Variants in KCNQ3 observed in about 807,000 individuals in gnomAD.
KCNQ3 encodes the protein potassium voltage-gated channel subfamily Q member 3.
A neutral mutation model predicts 92.5 loss-of-function variants in KCNQ3; 30 were observed. That is an observed-to-expected ratio of 0.32 (90% CI 0.24 to 0.44). The LOEUF is 0.44. KCNQ3 is among the 20% of genes least tolerant of loss of function. The probability of loss-of-function intolerance (pLI) is 1.00; values close to 1 mark genes in which losing one functional copy is unlikely to be tolerated. For synonymous variants in KCNQ3, 450 were observed against 468.8 expected (o/e 0.96, Z 0.52); for missense variants, 913 against 1,140.3 (o/e 0.80, Z 2.87).
intron 1 of KCNQ3, among the ~76,000 whole-genome samples, chr8:132,264,070 G>T (rs1043106430): frequency 6.6e-6 from 1 of 152,174 alleles, no homozygotes; most frequent in Non-Finnish European, 1.5e-5. Flanking sequence ...TGGACACTGA[G>T]GTACAGTCCA....
chr8:132,154,539 A>AGAT (rs749812597), intron 9 of KCNQ3, among the ~76,000 whole-genome samples: 2 of 152,128 alleles, frequency 1.3e-5, no homozygotes, highest in Non-Finnish European at 2.9e-5. Flanking sequence ...AATGGCAGTT[A>AGAT]GATGTACTTC....
rs530007258 is a variant in KCNQ3, at chr8:132,125,692, G to A, written c.*3570C>T. ...AACTACAGTGTCTAGGAAGTACCTT[G>A]CACAAAATAGACACAGGATGCATAA... On this transcript the variant is annotated 3_prime_UTR_variant, in exon 15 of 15. Coordinates refer to ENST00000388996, the MANE Select transcript of KCNQ3 (RefSeq NM_004519.4). 1 of 152,284 alleles carries A rather than the reference G, an allele frequency of 6.6e-6. No individual in the cohort carries two copies. Among genetic ancestry groups the A allele is most frequent in the East Asian group, 1.9e-4 (1 of 5,186 alleles). 9.4% of individuals were successfully genotyped at this position (152,284 alleles called of 1,614,324 possible).
chr8:132,130,085 T>G (rs560955213), intron 14 of KCNQ3, 89 bp from the exon 15 acceptor site: 7 of 625,744 alleles, frequency 1.1e-5, no homozygotes, highest in Non-Finnish European at 1.3e-5. Context: ...TTTTTTTTTG[T>G]TTTTTTTTTT....
intron 9 of KCNQ3, among the ~76,000 whole-genome samples, chr8:132,160,470 G>A (rs1825951421): frequency 6.6e-6 from 1 of 152,152 alleles, no homozygotes; most frequent in African/African-American, 2.4e-5. Context: ...TACATGTGGG[G>A]TACATCTTAC....
chr8:132,196,885 C>T (rs1449078423), intron 1 of KCNQ3, among the ~76,000 whole-genome samples: 1 of 152,130 alleles, frequency 6.6e-6, no homozygotes, highest in African/African-American at 2.4e-5. Context: ...AAAATAGCTC[C>T]TAATTCAGGG....
intron 1 of KCNQ3, among the ~76,000 whole-genome samples, chr8:132,332,316 T>C (rs954745037): frequency 6.6e-6 from 1 of 152,076 alleles, no homozygotes; most frequent in African/African-American, 2.4e-5. Flanking sequence ...GAGAAACACA[T>C]AAGAGACTTT....
At chr8:132,374,776 T>C (rs1446110660) in intron 1 of KCNQ3, among the ~76,000 whole-genome samples, 1 of 152,016 alleles carries the variant, frequency 6.6e-6, no homozygotes, top group Non-Finnish European at 1.5e-5. Flanking sequence ...GAAAACGTGG[T>C]ATCTGGTTTT....
chr8:132,358,479 T>C (rs142731815), intron 1 of KCNQ3, among the ~76,000 whole-genome samples: 3 of 152,182 alleles, frequency 2.0e-5, no homozygotes, highest in Non-Finnish European at 2.9e-5. Context: ...CATTGGGTAA[T>C]GTTAGCTGAG....
At chr8:132,296,750 T>C (rs1166993989) in intron 1 of KCNQ3, among the ~76,000 whole-genome samples, 1 of 152,178 alleles carries the variant, frequency 6.6e-6, no homozygotes, top group Admixed American at 6.5e-5. Context: ...TAGTATTCCA[T>C]GGTGTATATG....
intron 1 of KCNQ3, among the ~76,000 whole-genome samples, chr8:132,354,520 C>T (rs1323518079): frequency 6.6e-6 from 1 of 152,158 alleles, no homozygotes; most frequent in Non-Finnish European, 1.5e-5. Context: ...ATCTCCATTT[C>T]AAGGATACAG....
chr8:132,407,091 A>T (rs1399004837), intron 1 of KCNQ3, among the ~76,000 whole-genome samples: 1 of 152,216 alleles, frequency 6.6e-6, no homozygotes, highest in Non-Finnish European at 1.5e-5. Context: ...ACCAGAAGAC[A>T]TTCCTGCACA....
intron 1 of KCNQ3, among the ~76,000 whole-genome samples, chr8:132,238,597 GCAA>G (rs1814890680): frequency 6.6e-6 from 1 of 152,032 alleles, no homozygotes; most frequent in Non-Finnish European, 1.5e-5. Context: ...TCCTTCCTGT[GCAA>G]CATTCTCATT....
chr8:132,421,508 G>A (rs1820966082), intron 1 of KCNQ3, among the ~76,000 whole-genome samples: 2 of 152,160 alleles, frequency 1.3e-5, no homozygotes, highest in African/African-American at 4.8e-5. Flanking sequence ...GACAGGTTAT[G>A]ACCAAAATGA....
intron 4 of KCNQ3, among the ~76,000 whole-genome samples, chr8:132,177,081 G>A (rs1826582957): frequency 6.6e-6 from 1 of 152,140 alleles, no homozygotes; most frequent in Admixed American, 6.5e-5. Context: ...ATGGAGTGTG[G>A]TCCTAGTGCT....
chr8:132,417,474 C>T (rs1820847652), intron 1 of KCNQ3, among the ~76,000 whole-genome samples: 1 of 152,180 alleles, frequency 6.6e-6, no homozygotes, highest in African/African-American at 2.4e-5. Flanking sequence ...AGTTGAGTCT[C>T]CCATGGGTGG....
At position 132,291,369 on chromosome 8, in the gene KCNQ3, T is replaced by C. The variant is rs78215322; in HGVS notation, c.387-105188A>G. Among the ~76,000 whole-genome samples the C allele has an allele frequency of 3.9e-5, 6 of 152,344 alleles. No homozygotes were observed. The East Asian group carries it at 5.8e-4, about 15-fold the overall frequency. ...TAAAAGTGATTTTCTATCACCAAGA[T>C]ACAGCCTGCTGATGTGAAATATACC... On this transcript the variant is annotated intron_variant, in intron 1 of 14. Coordinates refer to ENST00000388996, the MANE Select transcript of KCNQ3 (RefSeq NM_004519.4).
At chr8:132,445,952 A>G (rs1821665815) in intron 1 of KCNQ3, among the ~76,000 whole-genome samples, 1 of 152,180 alleles carries the variant, frequency 6.6e-6, no homozygotes. Flanking sequence ...TCCAAGCAAG[A>G]AGTCCATCTT....
chr8:132,312,895 T>C (rs1027689912), intron 1 of KCNQ3, among the ~76,000 whole-genome samples: 6 of 152,222 alleles, frequency 3.9e-5, no homozygotes, highest in Admixed American at 3.3e-4. Flanking sequence ...CAGTTCTTTA[T>C]AGCAGTGTGA....
chr8:132,427,284 G>C (rs770391832), intron 1 of KCNQ3, among the ~76,000 whole-genome samples: 2 of 152,178 alleles, frequency 1.3e-5, no homozygotes, highest in African/African-American at 2.4e-5. Flanking sequence ...TAGGGTTCTA[G>C]TCAGTCTCCT....
Sources: allele counts gnomAD v4.1 joint callset (sites outside exome capture counted in the v4.1 genomes callset), GRCh38; gene constraint gnomAD v4.1.1; transcripts MANE v1.5; gene names NCBI Gene and HGNC (gene_info 2026-07-23, HGNC 2026-07-21).